The following CFAP54 variants were observed in gnomAD, a reference collection of about 807,000 sequenced individuals.
CFAP54 encodes the protein cilia- and flagella-associated protein 54.
A neutral mutation model predicts 370.4 loss-of-function variants in CFAP54; 290 were observed. The observed-to-expected ratio is 0.78, with a 90% confidence interval of 0.71 to 0.86. The LOEUF (loss-of-function observed/expected upper bound fraction) is 0.86, where lower values mean the gene tolerates loss of function less well. CFAP54 is among the 40% of genes least tolerant of loss of function. The probability of loss-of-function intolerance (pLI) is 0.00; values close to 1 mark genes in which losing one functional copy is unlikely to be tolerated. For missense variants in CFAP54, 3,399 were observed against 3,528.7 expected (o/e 0.96, Z 0.93); for synonymous variants, 1,206 against 1,236.5 (o/e 0.98, Z 0.52).
At chr12:96,721,502 G>A (rs1328851216) in intron 50 of CFAP54, among the ~76,000 whole-genome samples, 1 of 152,174 alleles carries the variant, frequency 6.6e-6, no homozygotes, top group Non-Finnish European at 1.5e-5. Context: ...AGGTAGAGTA[G>A]TAAAAATAAT....
intron 40 of CFAP54, among the ~76,000 whole-genome samples, chr12:96,682,929 A>G (rs1957288035): frequency 6.6e-6 from 1 of 151,870 alleles, no homozygotes; most frequent in South Asian, 2.1e-4. Context: ...GATGGAGATG[A>G]TGTTCTTTTT....
chr12:96,655,788 A>G lies in CFAP54; in HGVS notation c.5101-2094A>G, dbSNP rs144977257. Among the ~76,000 whole-genome samples, 716 of 152,292 alleles carry G rather than the reference A, an allele frequency of 4.7e-3. 4 individuals are homozygous for G. Among genetic ancestry groups the G allele is most frequent in the African/African-American group, 0.016 (679 of 41,576 alleles). ...TAATCTAACTAACACATACAGTTAA[A>G]AAAATCTGTAAGGCAATAAGGGAAA... On this transcript the variant is annotated intron_variant, in intron 36 of 67. Transcript: ENST00000524981.
intron 36 of CFAP54, among the ~76,000 whole-genome samples, chr12:96,654,383 C>T (rs1427109354): frequency 1.3e-5 from 2 of 151,310 alleles, no homozygotes; most frequent in Admixed American, 1.3e-4. Context: ...CGCCTGTAGT[C>T]CCAGCTACTT....
intron 35 of CFAP54, 94 bp from the exon 36 acceptor site, chr12:96,651,494 C>G: frequency 1.0e-6 from 1 of 959,128 alleles, no homozygotes; most frequent in East Asian, 2.5e-5. Context: ...GTTATTTTTA[C>G]TATTGACACA....
At chr12:96,725,556 T>A (rs1352686093) in intron 50 of CFAP54, among the ~76,000 whole-genome samples, 10 of 152,334 alleles carry the variant, frequency 6.6e-5, no homozygotes, top group Middle Eastern at 6.8e-3. Context: ...AAGTTGCTTA[T>A]CAGCTTAAGG....
chr12:96,715,171 G>T (rs1957661850), intron 48 of CFAP54, among the ~76,000 whole-genome samples: 1 of 152,172 alleles, frequency 6.6e-6, no homozygotes, highest in Admixed American at 6.6e-5. Flanking sequence ...TGAAGTAGTT[G>T]TCTTAGAGCA....
intron 65 of CFAP54, among the ~76,000 whole-genome samples, chr12:96,821,309 G>A (rs368374938): frequency 6.6e-6 from 1 of 152,124 alleles, no homozygotes; most frequent in Non-Finnish European, 1.5e-5. Flanking sequence ...GGGTATGGTG[G>A]TGTCTGAAGA....
intron 67 of CFAP54, among the ~76,000 whole-genome samples, chr12:96,870,150 A>G (rs1698966870): frequency 6.6e-6 from 1 of 151,322 alleles, no homozygotes; most frequent in Admixed American, 6.6e-5. Context: ...AGTCGCAGCT[A>G]CTCTGGAGGC....
chr12:96,622,281 G>C (rs905683034), intron 27 of CFAP54, among the ~76,000 whole-genome samples: 5 of 151,934 alleles, frequency 3.3e-5, no homozygotes, highest in African/African-American at 1.2e-4. Flanking sequence ...TAGTTTTGTA[G>C]ATCAAGTTTT....
At chr12:96,690,638 T>G (rs940562708) in intron 43 of CFAP54, among the ~76,000 whole-genome samples, 5 of 152,302 alleles carry the variant, frequency 3.3e-5, no homozygotes, top group South Asian at 2.1e-4. Flanking sequence ...GAACATAGTT[T>G]TTTTTTATTT....
intron 67 of CFAP54, among the ~76,000 whole-genome samples, chr12:96,872,960 G>A (rs545628744): frequency 6.6e-6 from 1 of 152,312 alleles, no homozygotes; most frequent in Admixed American, 6.5e-5. Context: ...AAATAAAAGA[G>A]AAAGAGAAGA....
At chr12:96,551,309 C>T (rs1175622432) in intron 15 of CFAP54, among the ~76,000 whole-genome samples, 2 of 152,022 alleles carry the variant, frequency 1.3e-5, no homozygotes, top group African/African-American at 2.4e-5. Flanking sequence ...CCGCCTCTGC[C>T]TATGTATATA....
At chr12:96,754,850 TCTC>T (rs1251072213) in intron 56 of CFAP54, among the ~76,000 whole-genome samples, 5 of 151,956 alleles carry the variant, frequency 3.3e-5, no homozygotes, top group African/African-American at 1.2e-4. Context: ...TTCAAGCAAT[TCTC>T]CTTCCTCAGC....
At position 96,589,549 on chromosome 12, in the gene CFAP54, T is replaced by C. The variant is rs1014351815; in HGVS notation, c.3198T>C (p.Thr1066=). 3 of 1,448,818 alleles carry C rather than the reference T, an allele frequency of 2.1e-6. No individual in the cohort carries two copies. The highest frequency in any genetic ancestry group is 2.8e-6 in the Non-Finnish European group (3 of 1,071,678). The allele number at this position is 1,448,818 out of a possible 1,614,324, so 89.7% of individuals were successfully genotyped here. Residue 1066 remains threonine, a synonymous_variant, in exon 23 of 68, where the codon ACT becomes ACC. Coordinates refer to ENST00000524981, the MANE Select transcript of CFAP54 (RefSeq NM_001306084.2). ...TTATTTGTTTAAGCAATATAATTAC[T>C]ATTACACAAAGAAGGTAATTAGAAA... is the stretch of plus-strand genomic sequence containing the variant. ...QSVICLSNII[T]ITQRRLHSDI... is the part of the protein sequence containing the mutation.
At chr12:96,869,786 T>A (rs1960103136) in intron 67 of CFAP54, among the ~76,000 whole-genome samples, 1 of 151,202 alleles carries the variant, frequency 6.6e-6, no homozygotes, top group Admixed American at 6.6e-5. Flanking sequence ...AAATACAAAA[T>A]TTGCTGGGTG....
chr12:96,707,083 G>GAGA (rs35499944), intron 47 of CFAP54, among the ~76,000 whole-genome samples: 132,218 of 151,630 alleles, frequency 0.87, 58,015 homozygotes, highest in African/African-American at 0.96. Context: ...AGAGGTATAG[G>GAGA]AGAAGAAGAA....
intron 32 of CFAP54, among the ~76,000 whole-genome samples, chr12:96,641,854 C>T (rs1275070108): frequency 6.6e-6 from 1 of 150,618 alleles, no homozygotes; most frequent in African/African-American, 2.4e-5. Flanking sequence ...CGCATGTTCT[C>T]ACGCATAGGT....
intron 9 of CFAP54, among the ~76,000 whole-genome samples, chr12:96,533,068 T>C (rs984632244): frequency 3.9e-5 from 6 of 152,158 alleles, no homozygotes; most frequent in African/African-American, 1.4e-4. Flanking sequence ...AAGAATGTCA[T>C]GGACAACCTT....
At chr12:96,850,920 A>G (rs973328427) in intron 66 of CFAP54, among the ~76,000 whole-genome samples, 1 of 152,160 alleles carries the variant, frequency 6.6e-6, no homozygotes, top group Non-Finnish European at 1.5e-5. Context: ...ACCTCCCACC[A>G]GTTCCCTTCC....
Sources: allele counts gnomAD v4.1 joint callset (sites outside exome capture counted in the v4.1 genomes callset), GRCh38; gene constraint gnomAD v4.1.1; transcripts MANE v1.5; gene names NCBI Gene and HGNC (gene_info 2026-07-23, HGNC 2026-07-21).